Variants in BMP10 observed in about 807,000 individuals in gnomAD.
BMP10 encodes the protein bone morphogenetic protein 10.
BMP10 carries 9 observed loss-of-function variants against 29.9 expected under a neutral mutation model. That is an observed-to-expected ratio of 0.30 (90% CI 0.18 to 0.53). The LOEUF (loss-of-function observed/expected upper bound fraction) is 0.53, where lower values mean the gene tolerates loss of function less well. BMP10 is among the 20% of genes least tolerant of loss of function. The pLI, the probability that BMP10 is intolerant of heterozygous loss-of-function variation, is 0.96. For synonymous variants in BMP10, 202 were observed against 200.2 expected (o/e 1.01, Z -0.07); for missense variants, 474 against 524.3 (o/e 0.90, Z 0.94).
Position 68,864,357 on chromosome 2 carries a change from T to C in BMP10, c.*1274A>G, listed in dbSNP as rs1039508235. ...TTTCTTTTCTCTTATATCTAAGTAT[T>C]CTTCATGAACAAAACATTTGATAAA... On this transcript the variant is annotated 3_prime_UTR_variant, in exon 2 of 2. Coordinates refer to ENST00000295379, the MANE Select transcript of BMP10 (RefSeq NM_014482.3). Among the ~76,000 whole-genome samples the C allele has an allele frequency of 2.0e-5, 3 of 152,202 alleles. No homozygotes were observed. Among genetic ancestry groups the C allele is most frequent in the African/African-American group, 7.2e-5 (3 of 41,456 alleles).
Position 68,865,989 on chromosome 2 carries a change from A to T in BMP10, c.917T>A (p.Ile306Asn). 1 of 1,613,938 alleles carries T rather than the reference A, an allele frequency of 6.2e-7. No homozygotes were observed. The highest frequency in any genetic ancestry group is 8.5e-7 in the Non-Finnish European group (1 of 1,179,952). Residue 306 changes from isoleucine to asparagine, a missense_variant, in exon 2 of 2, where the codon ATC (isoleucine) becomes AAC (asparagine). Ile to Asn is a moderately radical substitution (Grantham distance 149, BLOSUM62 -3). This residue lies in a region of BMP10 where 408 missense variants were observed against 415.3 expected (regional missense o/e 0.98). Coordinates refer to ENST00000295379, the MANE Select transcript of BMP10 (RefSeq NM_014482.3). This position sits in a 1 kb window ranked among gnomAD's most constrained non-coding sequence, Gnocchi z 4.7. ...GATTCGGGCAGTGGAGTCATAGATG[A>T]TGTTTGATCTCATCTGCAACAAAGC... ...EEALLQMRSN[I>N]IYDSTARIRR... is the part of the protein sequence containing the mutation.
chr2:68,866,157 T>A lies in BMP10; in HGVS notation c.749A>T (p.Asn250Ile). The A allele has an allele frequency of 6.2e-7, 1 of 1,614,036 alleles. No individual in the cohort carries two copies. The highest frequency in any genetic ancestry group is 8.5e-7 in the Non-Finnish European group (1 of 1,179,972). ...ATCAGAAAACACGATGAGCAAAGGG[T>A]TATGCTTATTCTGGGCACTGGTATC... ...EIDTSAQNKH[N>I]PLLIVFSDDQ... Residue 250 changes from asparagine to isoleucine, a missense_variant, in exon 2 of 2, where the codon AAC becomes ATC. By Grantham distance (149) the Asn-to-Ile change is moderately radical (BLOSUM62 -3). Transcript: ENST00000295379.
rs1392836071 is a variant in BMP10 at position 68,866,544 on chromosome 2, T to A, written c.362A>T (p.Asn121Ile). Residue 121 changes from asparagine to isoleucine, a missense_variant, in exon 2 of 2, where the codon AAT becomes ATT. Around this residue, in one of 2 missense-constraint regions of BMP10, gnomAD observed 408 missense variants for 415.3 expected, o/e 0.98. Coordinates refer to ENST00000295379, the MANE Select transcript of BMP10 (RefSeq NM_014482.3). Reference sequence around the variant, plus strand: ...GAGGAGGGGGTATTTTCGGAGCCCATTAAAACTGACCGGCTGGGAAAACAG... The same window carrying A: ...GAGGAGGGGGTATTTTCGGAGCCCAATAAAACTGACCGGCTGGGAAAACAG... ...EDLFSQPVSFNGLRKYPLLFN... is the reference protein window; with the variant it reads ...EDLFSQPVSFIGLRKYPLLFN... 1 of 1,611,732 alleles carries A rather than the reference T, an allele frequency of 6.2e-7. No individual in the cohort carries two copies. The highest frequency in any genetic ancestry group is 1.1e-5 in the South Asian group (1 of 91,024).
chr2:68,865,622 A>T lies in BMP10; in HGVS notation c.*9T>A, dbSNP rs1254885478. 1 of 1,607,538 alleles carries T rather than the reference A, an allele frequency of 6.2e-7. No homozygotes were observed. The highest frequency in any genetic ancestry group is 8.5e-7 in the Non-Finnish European group (1 of 1,175,066). On this transcript the variant is annotated 3_prime_UTR_variant, in exon 2 of 2. Transcript: ENST00000295379. The surrounding 1 kb of genome is among the most constrained non-coding windows in gnomAD (Gnocchi z 4.7). ...TTACAGTTATTAAATAAGCCATAGG[A>T]CTCTTCTTCTATCTACAGCCACATT...
Position 68,863,908 on chromosome 2 carries a change from G to A in BMP10, c.*1723C>T, listed in dbSNP as rs997437400. On this transcript the variant is annotated 3_prime_UTR_variant, in exon 2 of 2. Coordinates refer to ENST00000295379, the MANE Select transcript of BMP10 (RefSeq NM_014482.3). ...AGGGGTGAATGGGGGATGACGTACT[G>A]GAAACCACATTCCTGGTTCTAACAG... 5.9e-5 allele frequency among the ~76,000 whole-genome samples: 9 copies of A among 152,272 alleles called. No homozygotes were observed. Among genetic ancestry groups the A allele is most frequent in the African/African-American group, 1.7e-4 (7 of 41,548 alleles).
intron 1 of BMP10, among the ~76,000 whole-genome samples, chr2:68,867,670 T>G (rs1682991034): frequency 1.3e-5 from 2 of 152,180 alleles, no homozygotes; most frequent in Admixed American, 6.5e-5. Context: ...CATCAGATTA[T>G]CAAAGGACTC....
rs79720547 is a variant in BMP10 at position 68,869,377 on chromosome 2, T to C, written c.334+1648A>G. 6.3e-3 allele frequency among the ~76,000 whole-genome samples: 955 copies of C among 152,290 alleles called. 4 individuals carry two copies. Among genetic ancestry groups the C allele is most frequent in the African/African-American group, 0.021 (857 of 41,556 alleles). ...AGAGGCAATAGTAGCCAACAGGGCATGTCCTGTGCGATTTCTGTCCTCAGG... is the reference window on the plus strand; with the variant it reads ...AGAGGCAATAGTAGCCAACAGGGCACGTCCTGTGCGATTTCTGTCCTCAGG... On this transcript the variant is annotated intron_variant, in intron 1 of 1. Coordinates refer to ENST00000295379, the MANE Select transcript of BMP10 (RefSeq NM_014482.3).
Position 68,862,947 on chromosome 2 carries a change from C to T in BMP10, c.*2684G>A, listed in dbSNP as rs968269371. Among the ~76,000 whole-genome samples, 1 of 152,166 alleles carries T rather than the reference C, an allele frequency of 6.6e-6. No homozygotes were observed. Among genetic ancestry groups the T allele is most frequent in the African/African-American group, 2.4e-5 (1 of 41,436 alleles). On this transcript the variant is annotated 3_prime_UTR_variant, in exon 2 of 2. Transcript: ENST00000295379. ...ACAACTGGGCTATGCAGCCTGATCG[C>T]CAACAGCCTATATTTTCATATCTCT...
chr2:68,865,950 T>C lies in BMP10; in HGVS notation c.956A>G (p.Lys319Arg). 1 of 1,614,062 alleles carries C rather than the reference T, an allele frequency of 6.2e-7. No homozygotes were observed. The highest frequency in any genetic ancestry group is 8.5e-7 in the Non-Finnish European group (1 of 1,179,978). ...CGGGGTCCTCTTACAGTAGTTTCCT[T>C]TGGCGTTCCTTCTGATTCGGGCAGT... ...DSTARIRRNA[K>R]GNYCKRTPLY... The change falls in exon 2 of 2, where the codon AAA (lysine) becomes AGA (arginine). Residue 319 changes from lysine (K) to arginine (R), a missense_variant. Transcript: ENST00000295379. This position sits in a 1 kb window ranked among gnomAD's most constrained non-coding sequence, Gnocchi z 4.7.
At position 68,871,116 on chromosome 2, in the gene BMP10, T is replaced by C; in HGVS notation, c.243A>G (p.Pro81=). 4.3e-6 allele frequency: 7 copies of C among 1,614,206 alleles called. No individual in the cohort carries two copies. Among genetic ancestry groups the C allele is most frequent in the South Asian group, 1.1e-5 (1 of 91,080 alleles). Residue 81 remains proline, a synonymous_variant, in exon 1 of 2, where the codon CCA becomes CCG. Transcript: ENST00000295379. ...TGTAGAGTTCCAACATGTACTCTGG[T>C]GGGTCCACCTTGGCTGAATCCTGCG... The part of the protein sequence containing the change: ...IPTQDSAKVD[P]PEYMLELYNK...
Position 68,871,272 on chromosome 2 carries a change from C to T in BMP10, c.87G>A (p.Gln29=). ...GGGACATATCTTCTTCCAGAGGAGA[C>T]TGCTCTAGGTTCATGATGGGGCTGC... The part of the protein sequence containing the change: ...VSGSPIMNLE[Q]SPLEEDMSLF... The change falls in exon 1 of 2, where the codon CAG becomes CAA. Residue 29 remains glutamine, a synonymous_variant. Transcript: ENST00000295379. The T allele has an allele frequency of 2.5e-6, 4 of 1,614,130 alleles. No individual in the cohort carries two copies. In the South Asian group the frequency reaches 3.3e-5, roughly 13 times the overall value.
chr2:68,863,744 T>C lies in BMP10; in HGVS notation c.*1887A>G, dbSNP rs1682902797. 6.6e-6 allele frequency among the ~76,000 whole-genome samples: 1 copy of C among 152,164 alleles called. No homozygotes were observed. The highest frequency in any genetic ancestry group is 2.1e-4 in the South Asian group (1 of 4,832). On this transcript the variant is annotated 3_prime_UTR_variant, in exon 2 of 2. Coordinates refer to ENST00000295379, the MANE Select transcript of BMP10 (RefSeq NM_014482.3). ...GGTTCAAATTGGGCCTTCTTCAAAA[T>C]AGTTTTCCTTGCCTCTATTGTCTAG...
At position 68,862,051 on chromosome 2, in the gene BMP10, C is replaced by T. The variant is rs547997611; in HGVS notation, c.*3580G>A. ...AAAAGATTCATTTAAATAGCATCTC[C>T]GTTTACTGAGTAGCAATCACATTCT... On this transcript the variant is annotated 3_prime_UTR_variant, in exon 2 of 2. Coordinates refer to ENST00000295379, the MANE Select transcript of BMP10 (RefSeq NM_014482.3). Among the ~76,000 whole-genome samples, 14 of 152,286 alleles carry T rather than the reference C, an allele frequency of 9.2e-5. No individual in the cohort carries two copies. Among genetic ancestry groups the T allele is most frequent in the African/African-American group, 2.6e-4 (11 of 41,546 alleles).
chr2:68,871,260 T>C lies in BMP10; in HGVS notation c.99A>G (p.Glu33=), dbSNP rs1683061309. Residue 33 remains glutamate, a synonymous_variant, in exon 1 of 2, where the codon GAA becomes GAG. Coordinates refer to ENST00000295379, the MANE Select transcript of BMP10 (RefSeq NM_014482.3). ...PIMNLEQSPL[E]EDMSLFGDVF... is the part of the protein sequence containing the mutation. ...CATCACCAAAGAGGGACATATCTTCTTCCAGAGGAGACTGCTCTAGGTTCA... is the reference window on the plus strand; with the variant it reads ...CATCACCAAAGAGGGACATATCTTCCTCCAGAGGAGACTGCTCTAGGTTCA... 1 of 1,614,004 alleles carries C rather than the reference T, an allele frequency of 6.2e-7. No homozygotes were observed.
Position 68,862,658 on chromosome 2 carries a change from T to G in BMP10, c.*2973A>C, listed in dbSNP as rs1396975315. Among the ~76,000 whole-genome samples, 1 of 152,004 alleles carries G rather than the reference T, an allele frequency of 6.6e-6. No individual in the cohort carries two copies. The highest frequency in any genetic ancestry group is 1.5e-5 in the Non-Finnish European group (1 of 67,998). ...AGGTCTATGACCAGAGAAACATTAG[T>G]AAGATTCTACCTTTTTAAGGATCTG... On this transcript the variant is annotated 3_prime_UTR_variant, in exon 2 of 2. Coordinates refer to ENST00000295379, the MANE Select transcript of BMP10 (RefSeq NM_014482.3).
chr2:68,866,448 C>G lies in BMP10; in HGVS notation c.458G>C (p.Arg153Thr), dbSNP rs1682958515. The change falls in exon 2 of 2, where the codon AGG (arginine) becomes ACG (threonine). Residue 153 changes from arginine to threonine, a missense_variant. Physicochemically the swap from Arg to Thr is moderately conservative, Grantham distance 71. Around this residue, in one of 2 missense-constraint regions of BMP10, gnomAD observed 408 missense variants for 415.3 expected, o/e 0.98. Transcript: ENST00000295379. ...TACTCCATCGTATATCATACGATCC[C>G]TTTGCACCAGTGTGTATAGCCTAAG... is the stretch of plus-strand genomic sequence containing the variant. ...AELRLYTLVQ[R>T]DRMIYDGVDR... 1 of 1,613,908 alleles carries G rather than the reference C, an allele frequency of 6.2e-7. No individual in the cohort carries two copies. Among genetic ancestry groups the G allele is most frequent in the Non-Finnish European group, 8.5e-7 (1 of 1,179,926 alleles).
rs1240556527 is a variant in BMP10, at chr2:68,862,522, G to A, written c.*3109C>T. Among the ~76,000 whole-genome samples, 1 of 152,174 alleles carries A rather than the reference G, an allele frequency of 6.6e-6. No individual in the cohort carries two copies. The highest frequency in any genetic ancestry group is 1.5e-5 in the Non-Finnish European group (1 of 68,034). ...TACATGAATATTTTGGCTGTGGGCT[G>A]CCCAAGTCCCTCTGCTATAATTCTC... On this transcript the variant is annotated 3_prime_UTR_variant, in exon 2 of 2. Transcript: ENST00000295379.
At position 68,865,683 on chromosome 2, in the gene BMP10, G is replaced by C; in HGVS notation, c.1223C>G (p.Thr408Ser). 6.2e-7 allele frequency: 1 copy of C among 1,614,116 alleles called. No individual in the cohort carries two copies. Among genetic ancestry groups the C allele is most frequent in the Non-Finnish European group, 8.5e-7 (1 of 1,179,972 alleles). The change falls in exon 2 of 2, where the codon ACC becomes AGC. Residue 408 changes from threonine (T) to serine (S), a missense_variant. Around this residue, in one of 2 missense-constraint regions of BMP10, gnomAD observed 66 missense variants for 109.0 expected, o/e 0.61. Coordinates refer to ENST00000295379, the MANE Select transcript of BMP10 (RefSeq NM_014482.3). The surrounding 1 kb of genome is among the most constrained non-coding windows in gnomAD (Gnocchi z 4.7). Reference protein sequence around the residue: ...SILYLDKGVVTYKFKYEGMAV... With the variant: ...SILYLDKGVVSYKFKYEGMAV... ...CATGCCTTCGTATTTAAACTTGTAG[G>C]TGACGACGCCTTTGTCTAAATAGAG...
At chr2:68,866,689 G>A (rs1054723610) in intron 1 of BMP10, 118 bp from the exon 2 acceptor site, 53 of 759,728 alleles carry the variant, frequency 7.0e-5, no homozygotes, top group Admixed American at 2.9e-5. Flanking sequence ...AAGAATGAAG[G>A]GAGAAAATCA....
Sources: gnomAD v4.1 joint callset for allele counts (sites outside exome capture counted in the v4.1 genomes callset) on GRCh38, gnomAD v4.1.1 for gene constraint, gnomAD v4.1.1 regional missense constraint, Gnocchi (gnomAD v3.1) non-coding constraint, MANE v1.5 for transcripts, NCBI Gene and HGNC (gene_info 2026-07-23, HGNC 2026-07-21) for gene names.